EVA1C: variants seen among roughly 807,000 people sequenced by gnomAD.
The protein encoded by EVA1C is protein eva-1 homolog C.
A neutral mutation model predicts 45.4 loss-of-function variants in EVA1C; 25 were observed. The ratio of observed to expected loss-of-function variants is 0.55; its 90% CI spans 0.40 to 0.77. The LOEUF is 0.77. Ranked by LOEUF, EVA1C falls within the 30% of genes least tolerant of loss-of-function variation. The pLI, the probability that EVA1C is intolerant of heterozygous loss-of-function variation, is 0.00. For missense variants in EVA1C, 479 were observed against 554.8 expected (o/e 0.86, Z 1.37); for synonymous variants, 190 against 221.2 (o/e 0.86, Z 1.25).
chr21:32,451,917 C>T (rs576930714), intron 1 of EVA1C, among the ~76,000 whole-genome samples: 32 of 152,300 alleles, frequency 2.1e-4, no homozygotes, highest in South Asian at 6.2e-4. Context: ...TCCTGATGAA[C>T]GTGAATTTGA....
At chr21:32,435,895 T>C (rs1473669382) in intron 1 of EVA1C, among the ~76,000 whole-genome samples, 1 of 152,292 alleles carries the variant, frequency 6.6e-6, no homozygotes, top group African/African-American at 2.4e-5. Flanking sequence ...GATTATACTG[T>C]TCCTCTTTAC....
intron 4 of EVA1C, among the ~76,000 whole-genome samples, chr21:32,484,792 C>T (rs755047342): frequency 3.9e-5 from 6 of 152,138 alleles, no homozygotes; most frequent in Non-Finnish European, 8.8e-5. Flanking sequence ...TCGACTCACC[C>T]CCACCCACTG....
intron 4 of EVA1C, among the ~76,000 whole-genome samples, chr21:32,477,259 A>G (rs369946579): frequency 2.0e-4 from 30 of 152,092 alleles, no homozygotes; most frequent in African/African-American, 7.2e-4. Context: ...TTTCTCTAAC[A>G]TACCCCTCAA....
chr21:32,515,056 T>C lies in EVA1C; in HGVS notation c.1192T>C (p.Tyr398His). ...ACTGTCGGGGTTCTGTAGGACTTCA[T>C]ATCCTATATACAGTTCCATAGAAGC... ...GELSGFCRTS[Y>H]PIYSSIEAAE... The change falls in exon 8 of 8, where the codon TAT (tyrosine) becomes CAT (histidine). Residue 398 changes from tyrosine (Y) to histidine (H), a missense_variant. By Grantham distance (83) the Tyr-to-His change is moderately conservative. Coordinates refer to ENST00000300255, the MANE Select transcript of EVA1C (RefSeq NM_058187.5). 3 of 1,614,160 alleles carry C rather than the reference T, an allele frequency of 1.9e-6. No homozygotes were observed. Among genetic ancestry groups the C allele is most frequent in the Non-Finnish European group, 2.5e-6 (3 of 1,180,026 alleles).
Position 32,474,454 on chromosome 21 carries a change from C to T in EVA1C, c.634+6606C>T, listed in dbSNP as rs748633443. On this transcript the variant is annotated intron_variant, in intron 4 of 7. Transcript: ENST00000300255. This position sits in a 1 kb window ranked among gnomAD's most constrained non-coding sequence, Gnocchi z 4.4. Reference sequence around the variant, plus strand: ...TGGCTGGCTTTGCCACACAAGACATCGACCCAGATGTCATCTCAGAGAGGT... The same window carrying T: ...TGGCTGGCTTTGCCACACAAGACATTGACCCAGATGTCATCTCAGAGAGGT... Among the ~76,000 whole-genome samples the T allele has an allele frequency of 1.3e-5, 2 of 152,196 alleles. No homozygotes were observed. Among genetic ancestry groups the T allele is most frequent in the South Asian group, 2.1e-4 (1 of 4,822 alleles).
In EVA1C at chr21:32,468,010, G is replaced by A. The variant is rs374902286; in HGVS notation, c.634+162G>A. 746 of 184,176 alleles carry A rather than the reference G, an allele frequency of 4.1e-3. 8 individuals are homozygous for A. The highest frequency in any genetic ancestry group is 0.035 in the African/African-American group (480 of 13,804). The allele number at this position is 184,176 out of a possible 1,614,324, so 11.4% of individuals were successfully genotyped here. A position where few individuals can be genotyped will look rare whatever the true frequency, so the allele number is the denominator to read the frequency against. On this transcript the variant is annotated intron_variant, in intron 4 of 7. Coordinates refer to ENST00000300255, the MANE Select transcript of EVA1C (RefSeq NM_058187.5). ...GTAAGTTAATACTTAATAAACTCCCGTGTGTGTGTGTATGTATATATATAT... is the reference window on the plus strand; with the variant it reads ...GTAAGTTAATACTTAATAAACTCCCATGTGTGTGTGTATGTATATATATAT...
rs1434428324 is a variant in EVA1C at position 32,457,720 on chromosome 21, A to G, written c.481A>G (p.Asn161Asp). 9 of 1,614,082 alleles carry G rather than the reference A, an allele frequency of 5.6e-6. No individual in the cohort carries two copies. Among genetic ancestry groups the G allele is most frequent in the Non-Finnish European group, 7.6e-6 (9 of 1,179,994 alleles). The change falls in exon 3 of 8, where the codon AAT becomes GAT. Residue 161 changes from asparagine to aspartate, a missense_variant and splice_region_variant. Physicochemically the swap from Asn to Asp is conservative, Grantham distance 23 (BLOSUM62 1). This residue lies in a region of EVA1C where 366 missense variants were observed against 426.1 expected (regional missense o/e 0.86). Coordinates refer to ENST00000300255, the MANE Select transcript of EVA1C (RefSeq NM_058187.5). ...CCTGGTCTCCTTTAAATGCCAACCT[A>G]GTAAGTAACTTCGGAGGGGGACAGT... ...YLLVSFKCQP[N>D]ELKNKTVCED...
rs1430190890 is a variant in EVA1C at position 32,423,247 on chromosome 21, C to T, written c.160+10234C>T. 2.6e-5 allele frequency among the ~76,000 whole-genome samples: 4 copies of T among 152,064 alleles called. No homozygotes were observed. The East Asian group carries it at 7.7e-4, about 29-fold the overall frequency. On this transcript the variant is annotated intron_variant, in intron 1 of 7. Transcript: ENST00000300255. ...GATAGCAAAAGTCATGAGACACTTT[C>T]TTGACCCACTTGAGCTCTTCCAAGG...
chr21:32,458,481 A>ATTTTTTTTT (rs1555859600), intron 3 of EVA1C, among the ~76,000 whole-genome samples: 5 of 141,140 alleles, frequency 3.5e-5, no homozygotes, highest in African/African-American at 5.3e-5. Context: ...GAAGTTAAGC[A>ATTTTTTTTT]CTTTTTTTTT....
chr21:32,483,154 C>T (rs919992638), intron 4 of EVA1C, among the ~76,000 whole-genome samples: 6 of 152,096 alleles, frequency 3.9e-5, no homozygotes, highest in Non-Finnish European at 5.9e-5. Context: ...CCACCACGCC[C>T]GGCCCTCCCT....
intron 1 of EVA1C, among the ~76,000 whole-genome samples, chr21:32,439,051 C>G (rs2035074487): frequency 6.6e-6 from 1 of 151,202 alleles, no homozygotes; most frequent in Non-Finnish European, 1.5e-5. Context: ...GCCTGGCCAA[C>G]ATGGTGAAAC....
At position 32,504,040 on chromosome 21, in the gene EVA1C, T is replaced by C. The variant is rs752185816; in HGVS notation, c.949+25T>C. 4 of 1,479,806 alleles carry C rather than the reference T, an allele frequency of 2.7e-6. No homozygotes were observed. The Admixed American group carries it at 5.2e-5, about 19-fold the overall frequency. 91.7% of individuals were successfully genotyped at this position (1,479,806 alleles called of 1,614,324 possible). A position where few individuals can be genotyped will look rare whatever the true frequency, so the allele number is the denominator to read the frequency against. On this transcript the variant is annotated intron_variant, in intron 7 of 7. Transcript: ENST00000300255. ...GGTAGGTCAATGAATCAAAGCTTCCTAGAATGCTGATGGATTTACTAAAGT... is the reference window on the plus strand; with the variant it reads ...GGTAGGTCAATGAATCAAAGCTTCCCAGAATGCTGATGGATTTACTAAAGT...
intron 1 of EVA1C, among the ~76,000 whole-genome samples, chr21:32,437,529 T>C (rs959365711): frequency 8.5e-5 from 13 of 152,216 alleles, no homozygotes; most frequent in African/African-American, 2.9e-4. Flanking sequence ...CAGGTTAAGA[T>C]TCAGACTTCT....
At position 32,470,315 on chromosome 21, in the gene EVA1C, C is replaced by T. The variant is rs556949949; in HGVS notation, c.634+2467C>T. On this transcript the variant is annotated intron_variant, in intron 4 of 7. Coordinates refer to ENST00000300255, the MANE Select transcript of EVA1C (RefSeq NM_058187.5). The stretch of plus-strand genomic sequence containing the variant: ...CACGTGCCTCCCAAATGCGAAGCCC[C>T]GTATTCCGGGAAGGCCCTTGTGTCG... 5.3e-5 allele frequency among the ~76,000 whole-genome samples: 8 copies of T among 152,300 alleles called. No homozygotes were observed. The South Asian group carries it at 1.2e-3, about 24-fold the overall frequency.
intron 1 of EVA1C, among the ~76,000 whole-genome samples, chr21:32,418,061 G>A (rs1441827390): frequency 6.6e-6 from 1 of 152,102 alleles, no homozygotes; most frequent in Non-Finnish European, 1.5e-5. Flanking sequence ...TCACCAGGGA[G>A]ACCAGGACTG....
chr21:32,469,395 A>G (rs187346796), intron 4 of EVA1C, among the ~76,000 whole-genome samples: 1 of 152,278 alleles, frequency 6.6e-6, no homozygotes, highest in Non-Finnish European at 1.5e-5. Flanking sequence ...GTTGGGGACA[A>G]GTGTCCAGGT....
intron 3 of EVA1C, among the ~76,000 whole-genome samples, chr21:32,460,412 A>G (rs543834301): frequency 6.6e-6 from 1 of 152,158 alleles, no homozygotes; most frequent in Non-Finnish European, 1.5e-5. Flanking sequence ...TAGCAGCATC[A>G]TCGTTTAGAT....
At position 32,426,805 on chromosome 21, in the gene EVA1C, CTACTT is replaced by C. The variant is rs532267828; in HGVS notation, c.160+13793_160+13797del. Among the ~76,000 whole-genome samples the C allele has an allele frequency of 4.2e-3, 638 of 152,262 alleles. 1 individual carries two copies. The highest frequency in any genetic ancestry group is 0.015 in the African/African-American group (605 of 41,530). On this transcript the variant is annotated intron_variant, in intron 1 of 7. Coordinates refer to ENST00000300255, the MANE Select transcript of EVA1C (RefSeq NM_058187.5). Reference sequence around the variant, plus strand: ...TCACCCCTTCAGACAAGTCACAACTCTACTTAAAATATTTTTTTCCTTCTGCCAAA... The same window carrying C: ...TCACCCCTTCAGACAAGTCACAACTCAAAATATTTTTTTCCTTCTGCCAAA...
chr21:32,507,870 CAT>C (rs777405594), intron 7 of EVA1C, among the ~76,000 whole-genome samples: 22 of 141,198 alleles, frequency 1.6e-4, no homozygotes, highest in South Asian at 9.3e-4. Flanking sequence ...TGTGTGCCGT[CAT>C]GTGTGTGCAT....
Sources: gnomAD v4.1 joint callset for allele counts (sites outside exome capture counted in the v4.1 genomes callset) on GRCh38, gnomAD v4.1.1 for gene constraint, gnomAD v4.1.1 regional missense constraint, Gnocchi (gnomAD v3.1) non-coding constraint, MANE v1.5 for transcripts, NCBI Gene and HGNC (gene_info 2026-07-23, HGNC 2026-07-21) for gene names.